GRB10: variants seen among roughly 807,000 people sequenced by gnomAD.
GRB10 encodes growth factor receptor bound protein 10.
In GRB10, 20 loss-of-function variants were observed where a neutral mutation model predicts 80.9. The observed-to-expected ratio is 0.25, with a 90% CI of 0.17 to 0.36. The LOEUF (loss-of-function observed/expected upper bound fraction) is 0.36, where lower values mean the gene tolerates loss of function less well. GRB10 is among the 10% of genes least tolerant of loss of function. The pLI, the probability that GRB10 is intolerant of heterozygous loss-of-function variation, is 1.00. For missense variants in GRB10, 548 were observed against 747.7 expected (o/e 0.73, Z 3.12); for synonymous variants, 291 against 291.5 (o/e 1.00, Z 0.02).
intron 2 of GRB10, among the ~76,000 whole-genome samples, chr7:50,763,511 G>A (rs1386716540): frequency 6.6e-6 from 1 of 152,142 alleles, no homozygotes; most frequent in Non-Finnish European, 1.5e-5. Context: ...TCTTGGAATA[G>A]CTTATCCTAC....
Position 50,614,926 on chromosome 7 carries a change from CA to C in GRB10, c.985-47del, listed in dbSNP as rs762714886. On this transcript the variant is annotated intron_variant, in intron 11 of 18. Coordinates refer to ENST00000401949, the MANE Select transcript of GRB10 (RefSeq NM_001350814.2). ...TTAAAGTCTCAAGCACAGCAAAGAG[CA>C]AATGTGTTCACCTCTGGTAGACAGA... 3 of 1,218,892 alleles carry C rather than the reference CA, an allele frequency of 2.5e-6. No individual in the cohort carries two copies. The African/African-American group carries it at 4.4e-5, about 18-fold the overall frequency. 75.5% of individuals were successfully genotyped at this position (1,218,892 alleles called of 1,614,324 possible). A position where few individuals can be genotyped will look rare whatever the true frequency, so the allele number is the denominator to read the frequency against.
chr7:50,688,699 T>G (rs1303736574), intron 5 of GRB10, among the ~76,000 whole-genome samples: 1 of 148,104 alleles, frequency 6.8e-6, no homozygotes. Flanking sequence ...GTTCCCAGAC[T>G]GTTTAAAAAA....
chr7:50,614,747 G>T, intron 12 of GRB10, 23 bp downstream of exon 12: 1 of 1,496,776 alleles, frequency 6.7e-7, no homozygotes, highest in Non-Finnish European at 9.3e-7. Context: ...CATGCGCGCC[G>T]TCTGTGGACA....
intron 4 of GRB10, chr7:50,727,845 A>T (rs927903470): frequency 1.3e-5 from 2 of 152,264 alleles, no homozygotes; most frequent in Admixed American, 6.5e-5. Context: ...TGTGCTAAAC[A>T]CAATGCCAAA....
At chr7:50,670,688 C>T (rs2060269280) in intron 6 of GRB10, among the ~76,000 whole-genome samples, 1 of 152,120 alleles carries the variant, frequency 6.6e-6, no homozygotes. Context: ...TTCATGAGAA[C>T]CAAGTGTTTT....
intron 5 of GRB10, among the ~76,000 whole-genome samples, chr7:50,686,744 T>C (rs74569885): frequency 0.025 from 3,772 of 152,334 alleles, 71 homozygotes; most frequent in Non-Finnish European, 0.039. Context: ...CTTTTCCTCA[T>C]CTTCCTACCA....
At chr7:50,783,715 T>C (rs1236900847), upstream of GRB10, among the ~76,000 whole-genome samples, 2 of 152,206 alleles carry the variant, frequency 1.3e-5, no homozygotes, top group African/African-American at 2.4e-5. Context: ...CTAGACATTG[T>C]AGACAGCAGT....
chr7:50,737,678 A>G (rs567492318), intron 3 of GRB10, among the ~76,000 whole-genome samples: 1 of 152,246 alleles, frequency 6.6e-6, no homozygotes, highest in South Asian at 2.1e-4. Flanking sequence ...GTGAAACCCC[A>G]TCTCTACTAA....
intron 2 of GRB10, among the ~76,000 whole-genome samples, chr7:50,773,330 A>AGAAAGGGGAAGG (rs1291990340): frequency 6.9e-6 from 1 of 145,766 alleles, no homozygotes; most frequent in African/African-American, 2.5e-5. Context: ...CTATAAGGAA[A>AGAAAGGGGAAGG]GAAAGGGGAA....
intron 17 of GRB10, 86 bp from the exon 18 acceptor site, chr7:50,595,616 C>T: frequency 1.3e-6 from 1 of 758,034 alleles, no homozygotes; most frequent in Non-Finnish European, 2.4e-6. Context: ...CACACACACA[C>T]ACACACACAC....
intron 5 of GRB10, among the ~76,000 whole-genome samples, chr7:50,687,252 A>G (rs1013440998): frequency 6.6e-6 from 1 of 152,228 alleles, no homozygotes; most frequent in Non-Finnish European, 1.5e-5. Context: ...GCATGTGTCC[A>G]AAGAAGAGCT....
intron 17 of GRB10, among the ~76,000 whole-genome samples, chr7:50,603,026 T>C (rs1056033995): frequency 1.3e-5 from 2 of 152,216 alleles, no homozygotes; most frequent in African/African-American, 2.4e-5. Context: ...GGTTTCATTA[T>C]ACACTTATGT....
At chr7:50,678,793 G>A (rs921252561) in intron 5 of GRB10, among the ~76,000 whole-genome samples, 1 of 152,166 alleles carries the variant, frequency 6.6e-6, no homozygotes, top group Non-Finnish European at 1.5e-5. Flanking sequence ...ACCTCTGTGG[G>A]TGTGGTCAAC....
intron 6 of GRB10, 110 bp downstream of exon 6, chr7:50,674,326 T>C (rs2060667752): frequency 9.3e-7 from 1 of 1,078,514 alleles, no homozygotes; most frequent in Non-Finnish European, 1.4e-6. Context: ...CCTCTTGACT[T>C]TGCAAGACCA....
Position 50,619,385 on chromosome 7 carries a change from AAACATT to A in GRB10, c.662-106_662-101del. The A allele has an allele frequency of 3.8e-6, 3 of 781,674 alleles. No individual in the cohort carries two copies. In the South Asian group the frequency reaches 4.1e-5, roughly 11 times the overall value. The allele number at this position is 781,674 out of a possible 1,614,324, so 48.4% of individuals were successfully genotyped here. A position where few individuals can be genotyped will look rare whatever the true frequency, so the allele number is the denominator to read the frequency against. The stretch of plus-strand genomic sequence containing the variant: ...TTTGTTCAACTTTCTATTCTTCTTT[AAACATT>A]ATGAATAAAGATGAGGTCAGGAAGG... On this transcript the variant is annotated intron_variant, in intron 8 of 18. Coordinates refer to ENST00000401949, the MANE Select transcript of GRB10 (RefSeq NM_001350814.2).
intron 4 of GRB10, among the ~76,000 whole-genome samples, chr7:50,708,372 G>A (rs561096560): frequency 6.6e-6 from 1 of 152,146 alleles, no homozygotes; most frequent in African/African-American, 2.4e-5. Flanking sequence ...ACAAATGATG[G>A]TGATTGTAAA....
intron 3 of GRB10, among the ~76,000 whole-genome samples, chr7:50,743,206 C>T (rs2072212081): frequency 6.6e-6 from 1 of 152,178 alleles, no homozygotes; most frequent in Admixed American, 6.5e-5. Flanking sequence ...CTTCCAACTG[C>T]ACATTATTAG....
At chr7:50,640,644 TGAG>T (rs1165273348) in intron 7 of GRB10, among the ~76,000 whole-genome samples, 2 of 152,244 alleles carry the variant, frequency 1.3e-5, no homozygotes, top group Non-Finnish European at 2.9e-5. Flanking sequence ...CTCAAACCTA[TGAG>T]GAGAGCCAGC....
intron 7 of GRB10, among the ~76,000 whole-genome samples, chr7:50,630,225 C>T (rs1248915626): frequency 6.6e-6 from 1 of 152,180 alleles, no homozygotes; most frequent in Non-Finnish European, 1.5e-5. Context: ...TTAGTTATGA[C>T]CTATCTTGGC....
Sources: allele counts gnomAD v4.1 joint callset (sites outside exome capture counted in the v4.1 genomes callset), GRCh38; gene constraint gnomAD v4.1.1; transcripts MANE v1.5; gene names NCBI Gene and HGNC (gene_info 2026-07-23, HGNC 2026-07-21).